NLGN1: variants seen among roughly 807,000 people sequenced by gnomAD.
NLGN1 encodes the protein neuroligin 1.
NLGN1 carries 12 observed loss-of-function variants against 65.5 expected under a neutral mutation model. That is an observed-to-expected ratio of 0.18 (90% CI 0.12 to 0.30). The LOEUF (loss-of-function observed/expected upper bound fraction) is 0.30. NLGN1 is among the 10% of genes least tolerant of loss of function. The pLI, the probability that NLGN1 is intolerant of heterozygous loss-of-function variation, is 1.00. For missense variants in NLGN1, 750 were observed against 1,007.1 expected (o/e 0.74, Z 3.46); for synonymous variants, 350 against 359.5 (o/e 0.97, Z 0.30).
At chr3:173,469,450 T>C (rs1297423047) in intron 2 of NLGN1, among the ~76,000 whole-genome samples, 1 of 152,052 alleles carries the variant, frequency 6.6e-6, no homozygotes, top group Non-Finnish European at 1.5e-5. Flanking sequence ...ACACAGGCCA[T>C]TGCATATTTA....
chr3:173,427,678 C>T (rs1716379034), intron 1 of NLGN1, among the ~76,000 whole-genome samples: 1 of 151,806 alleles, frequency 6.6e-6, no homozygotes, highest in Non-Finnish European at 1.5e-5. Flanking sequence ...AGAAAAGATA[C>T]TTGATATGAT....
chr3:174,053,190 G>A (rs543781056), intron 4 of NLGN1, among the ~76,000 whole-genome samples: 1 of 151,930 alleles, frequency 6.6e-6, no homozygotes, highest in African/African-American at 2.4e-5. Flanking sequence ...TTACTATCAG[G>A]TGTTTCGGGG....
intron 4 of NLGN1, among the ~76,000 whole-genome samples, chr3:173,889,435 A>G (rs1734934838): frequency 6.6e-6 from 1 of 152,166 alleles, no homozygotes; most frequent in African/African-American, 2.4e-5. Flanking sequence ...AAAAGAGGTC[A>G]GTGTAGGAAT....
intron 4 of NLGN1, among the ~76,000 whole-genome samples, chr3:173,863,846 A>G (rs1233609264): frequency 6.6e-6 from 1 of 152,222 alleles, no homozygotes; most frequent in Non-Finnish European, 1.5e-5. Context: ...GTCTTCAGGC[A>G]GAAGAGAGCT....
At chr3:173,498,359 C>T (rs913977726) in intron 2 of NLGN1, among the ~76,000 whole-genome samples, 2 of 151,748 alleles carry the variant, frequency 1.3e-5, no homozygotes, top group Admixed American at 1.3e-4. Context: ...CCAGCTTCAT[C>T]CATGTCCCTA....
chr3:173,754,024 C>CTTTTTT (rs71162358), intron 3 of NLGN1, among the ~76,000 whole-genome samples: 17 of 121,600 alleles, frequency 1.4e-4, no homozygotes, highest in African/African-American at 1.8e-4. Context: ...TCTTTCTTTT[C>CTTTTTT]TTTTTTTTTT....
intron 1 of NLGN1, among the ~76,000 whole-genome samples, chr3:173,416,977 A>G (rs188290516): frequency 1.3e-5 from 2 of 152,094 alleles, no homozygotes; most frequent in African/African-American, 2.4e-5. Context: ...GTATGAATTC[A>G]ACTCTTATGT....
chr3:174,199,908 G>A (rs548137785), intron 4 of NLGN1, among the ~76,000 whole-genome samples: 8 of 152,164 alleles, frequency 5.3e-5, no homozygotes, highest in Non-Finnish European at 8.8e-5. Flanking sequence ...TACCATAGGA[G>A]CTTAGTAATT....
intron 3 of NLGN1, among the ~76,000 whole-genome samples, chr3:173,790,685 TTGTG>T: frequency 6.6e-6 from 1 of 150,586 alleles, no homozygotes; most frequent in African/African-American, 2.4e-5. Flanking sequence ...GTGAGTATGG[TTGTG>T]TGTGTGTGTG....
At chr3:173,547,839 G>T (rs1409317178) in intron 2 of NLGN1, among the ~76,000 whole-genome samples, 1 of 152,052 alleles carries the variant, frequency 6.6e-6, no homozygotes, top group East Asian at 1.9e-4. Flanking sequence ...CAGCAGGAAG[G>T]AGTACAATTT....
intron 3 of NLGN1, among the ~76,000 whole-genome samples, chr3:173,762,967 C>CAT (rs1778214457): frequency 7.2e-6 from 1 of 138,682 alleles, no homozygotes; most frequent in Non-Finnish European, 1.5e-5. Flanking sequence ...GTCTCTGATA[C>CAT]ACACACACAC....
At chr3:173,586,189 G>C (rs1464478036) in intron 2 of NLGN1, among the ~76,000 whole-genome samples, 3 of 151,818 alleles carry the variant, frequency 2.0e-5, no homozygotes, top group African/African-American at 2.4e-5. Context: ...CAAATGCTTT[G>C]GAATAAAATG....
intron 4 of NLGN1, among the ~76,000 whole-genome samples, chr3:174,059,171 G>A (rs925457233): frequency 1.6e-4 from 25 of 152,114 alleles, no homozygotes; most frequent in African/African-American, 4.6e-4. Context: ...CTTGGGCCCC[G>A]GAGCCTATGG....
At chr3:173,499,601 G>A (rs6772268) in intron 2 of NLGN1, among the ~76,000 whole-genome samples, 5,037 of 151,822 alleles carry the variant, frequency 0.033, 344 homozygotes, top group African/African-American at 0.11. Flanking sequence ...GAAAGTCATT[G>A]GTAGCTTGAT....
chr3:173,929,875 T>A (rs1743755185), intron 4 of NLGN1, among the ~76,000 whole-genome samples: 1 of 152,052 alleles, frequency 6.6e-6, no homozygotes, highest in Admixed American at 6.6e-5. Flanking sequence ...CAGCTAATTT[T>A]GTGTTTTTAG....
At chr3:174,275,698 C>CTCTT (rs1411130949) in intron 5 of NLGN1, among the ~76,000 whole-genome samples, 171 bp downstream of exon 5, 17 of 151,830 alleles carry the variant, frequency 1.1e-4, no homozygotes, top group Admixed American at 7.9e-4. Flanking sequence ...TTTCGTCAAA[C>CTCTT]TCTTTTCTTT....
intron 2 of NLGN1, among the ~76,000 whole-genome samples, chr3:173,584,160 T>G (rs6777557): frequency 0.37 from 55,492 of 150,646 alleles, 11,988 homozygotes; most frequent in East Asian, 0.72. Context: ...GATGCTGTAT[T>G]CAAGTAGTCA....
chr3:173,591,356 T>C (rs975881113), intron 2 of NLGN1, among the ~76,000 whole-genome samples: 1 of 152,208 alleles, frequency 6.6e-6, no homozygotes, highest in Non-Finnish European at 1.5e-5. Context: ...AGATTGCTAG[T>C]GTGATATTCT....
At chr3:173,942,942 A>C (rs554062354) in intron 4 of NLGN1, among the ~76,000 whole-genome samples, 13 of 152,310 alleles carry the variant, frequency 8.5e-5, no homozygotes, top group Non-Finnish European at 1.3e-4. Context: ...AATGAAGGAC[A>C]GATCAGATGC....
Sources: gnomAD v4.1 joint callset for allele counts (sites outside exome capture counted in the v4.1 genomes callset) on GRCh38, gnomAD v4.1.1 for gene constraint, MANE v1.5 for transcripts, NCBI Gene and HGNC (gene_info 2026-07-23, HGNC 2026-07-21) for gene names.